The following TOP1MT variants were observed in gnomAD, a reference collection of about 807,000 sequenced individuals.
TOP1MT encodes the protein DNA topoisomerase I mitochondrial.
TOP1MT carries 80 observed loss-of-function variants against 73.9 expected under a neutral mutation model. The ratio of observed to expected loss-of-function variants is 1.08; its 90% confidence interval spans 0.90 to 1.30. The LOEUF (loss-of-function observed/expected upper bound fraction) is 1.30, where lower values mean the gene tolerates loss of function less well. TOP1MT is among the 50% of genes most tolerant of loss of function. TOP1MT has a pLI of 0.00. For synonymous variants in TOP1MT, 338 were observed against 326.4 expected (o/e 1.04, Z -0.38); for missense variants, 815 against 808.0 (o/e 1.01, Z -0.10).
intron 7 of TOP1MT, 59 bp downstream of exon 7, chr8:143,323,940 G>C: frequency 6.3e-7 from 1 of 1,597,650 alleles, no homozygotes; most frequent in East Asian, 2.2e-5. Context: ...CATCCAACTG[G>C]GAGTCCTCGC....
rs1368287391 is a variant in TOP1MT, at chr8:143,321,910, AGG to A, written c.961-526_961-525del. 1.7e-3 allele frequency among the ~76,000 whole-genome samples: 98 copies of A among 57,322 alleles called. 6 individuals are homozygous for A. The highest frequency in any genetic ancestry group is 9.5e-3 in the East Asian group (9 of 948). The allele number at this position is 57,322 out of a possible 152,430, so 37.6% of individuals were successfully genotyped here. On this transcript the variant is annotated intron_variant, in intron 7 of 13. Coordinates refer to ENST00000329245, the MANE Select transcript of TOP1MT (RefSeq NM_052963.3). ...CCACACACAGGCACGCCACACACAC[AGG>A]CACGCCACACACATGCACGCCACAC... is the stretch of plus-strand genomic sequence containing the variant.
chr8:143,312,970 C>A (rs1388233919), intron 12 of TOP1MT, among the ~76,000 whole-genome samples: 1 of 152,174 alleles, frequency 6.6e-6, no homozygotes, highest in Non-Finnish European at 1.5e-5. Flanking sequence ...CCCAGCTACT[C>A]AGGAGGCTGA....
chr8:143,310,256 A>C, intron 12 of TOP1MT, 39 bp from the exon 13 acceptor site: 1 of 1,440,590 alleles, frequency 6.9e-7, no homozygotes, highest in Non-Finnish European at 9.2e-7. Flanking sequence ...CCCGCGCTGG[A>C]CTAGCGCCAC....
In TOP1MT at chr8:143,353,963, C is replaced by CAAAAA. The variant is rs1186472770; in HGVS notation, c.-39+1997_-39+2001dup. Among the ~76,000 whole-genome samples the CAAAAA allele has an allele frequency of 4.4e-3, 211 of 47,620 alleles. 57 individuals are homozygous for CAAAAA. The highest frequency in any genetic ancestry group is 0.022 in the African/African-American group (209 of 9,378). The allele number at this position is 47,620 out of a possible 152,430, so 31.2% of individuals were successfully genotyped here. A position where few individuals can be genotyped will look rare whatever the true frequency, so the allele number is the denominator to read the frequency against. On this transcript the variant is annotated intron_variant, in intron 1 of 5. Coordinates refer to the TOP1MT transcript ENST00000518760. The stretch of plus-strand genomic sequence containing the variant: ...TGGGCGACAAAGAGAGACTCCATCC[C>CAAAAA]AAAAAAAAAAAAAAAAAAAAAAAAA...
chr8:143,333,449 A>AAAT (rs1056575297), intron 1 of TOP1MT, among the ~76,000 whole-genome samples: 1 of 152,172 alleles, frequency 6.6e-6, no homozygotes, highest in African/African-American at 2.4e-5. Flanking sequence ...ATTTTGTCTC[A>AAAT]AATAATAATA....
chr8:143,349,640 CTT>C (rs112290042), upstream of TOP1MT, among the ~76,000 whole-genome samples: 5 of 146,012 alleles, frequency 3.4e-5, no homozygotes, highest in African/African-American at 5.1e-5. Flanking sequence ...CATCTGTACA[CTT>C]TTTTTTTTTT....
chr8:143,322,405 C>CGT (rs1816467383), intron 7 of TOP1MT, among the ~76,000 whole-genome samples: 1 of 110,014 alleles, frequency 9.1e-6, no homozygotes, highest in African/African-American at 3.5e-5. Flanking sequence ...CACATGCTCA[C>CGT]CACACACGCA....
chr8:143,320,503 G>A (rs1816301433), intron 8 of TOP1MT, among the ~76,000 whole-genome samples: 1 of 152,216 alleles, frequency 6.6e-6, no homozygotes, highest in South Asian at 2.1e-4. Flanking sequence ...CTGGGCTCAA[G>A]TGATCCTCCC....
chr8:143,313,408 G>C (rs528358810), intron 12 of TOP1MT, among the ~76,000 whole-genome samples: 1 of 151,952 alleles, frequency 6.6e-6, no homozygotes, highest in Admixed American at 6.6e-5. Context: ...AAATTAGCCA[G>C]GTATAGTGGT....
chr8:143,330,358 C>A (rs1432568904), intron 2 of TOP1MT, among the ~76,000 whole-genome samples: 5 of 152,256 alleles, frequency 3.3e-5, no homozygotes, highest in African/African-American at 1.2e-4. Context: ...GCAGCCGCTA[C>A]ACCAGGCCAG....
Position 143,342,709 on chromosome 8 carries a change from C to T in TOP1MT, c.29+511G>A, listed in dbSNP as rs1436813158. 4.2e-4 allele frequency among the ~76,000 whole-genome samples: 25 copies of T among 59,484 alleles called. 1 individual carries two copies. Among genetic ancestry groups the T allele is most frequent in the South Asian group, 9.2e-4 (1 of 1,082 alleles). The allele number at this position is 59,484 out of a possible 152,430, so 39.0% of individuals were successfully genotyped here. A position where few individuals can be genotyped will look rare whatever the true frequency, so the allele number is the denominator to read the frequency against. On this transcript the variant is annotated intron_variant, in intron 2 of 5. Coordinates refer to the TOP1MT transcript ENST00000518007. ...ATTATTATTATTAGAGACAGAGTCT[C>T]GCTGTTATTATTATTATTAGAGACA...
intron 2 of TOP1MT, among the ~76,000 whole-genome samples, chr8:143,342,909 C>G (rs555319972): frequency 1.3e-5 from 2 of 151,732 alleles, no homozygotes; most frequent in Admixed American, 1.3e-4. Context: ...CTCAGCCTCC[C>G]GACCACCACA....
intron 7 of TOP1MT, 126 bp downstream of exon 7, chr8:143,323,871 ACC>A (rs368352504): frequency 8.8e-6 from 9 of 1,019,108 alleles, no homozygotes; most frequent in Non-Finnish European, 1.3e-5. Context: ...ACATGCACAC[ACC>A]CCCCCCATCA....
chr8:143,324,342 G>T, intron 6 of TOP1MT, 143 bp downstream of exon 6: 1 of 1,382,440 alleles, frequency 7.2e-7, no homozygotes, highest in African/African-American at 1.5e-5. Flanking sequence ...TGTGCCTGCT[G>T]GCACAGCATG....
intron 12 of TOP1MT, among the ~76,000 whole-genome samples, chr8:143,311,355 C>T (rs1816010265): frequency 1.3e-5 from 2 of 152,052 alleles, no homozygotes; most frequent in African/African-American, 4.8e-5. Context: ...ACTGAATACC[C>T]TTTGTTCCAA....
intron 1 of TOP1MT, chr8:143,334,391 A>C (rs1816935529): frequency 4.6e-6 from 1 of 216,308 alleles, no homozygotes; most frequent in Non-Finnish European, 9.2e-6. Flanking sequence ...AAGACCATGC[A>C]CAGCAACATA....
At chr8:143,309,934 C>G in intron 13 of TOP1MT, 134 bp downstream of exon 13, 1 of 1,595,238 alleles carries the variant, frequency 6.3e-7, no homozygotes, top group Non-Finnish European at 8.5e-7. Flanking sequence ...TCATGGGTCC[C>G]TGTCACAGGG....
intron 13 of TOP1MT, 70 bp downstream of exon 13, chr8:143,309,998 C>T: frequency 2.5e-6 from 4 of 1,597,764 alleles, no homozygotes; most frequent in South Asian, 1.1e-5. Flanking sequence ...TGGGACTGAA[C>T]AGAGGCCTCC....
intron 12 of TOP1MT, 111 bp downstream of exon 12, chr8:143,315,616 G>T (rs897886996): frequency 4.2e-6 from 3 of 706,916 alleles, no homozygotes; most frequent in East Asian, 5.5e-5. Flanking sequence ...ACAATCTCTC[G>T]TCTCCGCACA....
Sources: gnomAD v4.1 joint callset for allele counts (sites outside exome capture counted in the v4.1 genomes callset) on GRCh38, gnomAD v4.1.1 for gene constraint, MANE v1.5 for transcripts, NCBI Gene and HGNC (gene_info 2026-07-23, HGNC 2026-07-21) for gene names.